Variants in RBMS3 observed in about 807,000 individuals in gnomAD.
RBMS3 encodes RNA binding motif single stranded interacting protein 3.
RBMS3 carries 27 observed loss-of-function variants against 66.8 expected under a neutral mutation model. The observed-to-expected ratio is 0.40, with a 90% CI of 0.30 to 0.56. The LOEUF (loss-of-function observed/expected upper bound fraction) is 0.56, where lower values mean the gene tolerates loss of function less well. RBMS3 is among the 20% of genes least tolerant of loss of function. The pLI is 0.40. For synonymous variants in RBMS3, 188 were observed against 183.0 expected, an observed-to-expected ratio of 1.03 and a Z score of -0.22; for missense variants, 513 against 549.5, an observed-to-expected ratio of 0.93 and a Z score of 0.66.
At chr3:29,655,207 G>C (rs1237366966) in intron 4 of RBMS3, among the ~76,000 whole-genome samples, 1 of 152,192 alleles carries the variant, frequency 6.6e-6, no homozygotes, top group Non-Finnish European at 1.5e-5. Flanking sequence ...AAGAACAATG[G>C]CTTGTGAATA....
chr3:29,890,945 G>T (rs1438249993), intron 8 of RBMS3, among the ~76,000 whole-genome samples: 1 of 151,488 alleles, frequency 6.6e-6, no homozygotes, highest in Non-Finnish European at 1.5e-5. Context: ...GTGTTCTGAT[G>T]AGGAATTGGG....
intron 4 of RBMS3, among the ~76,000 whole-genome samples, chr3:29,659,754 G>A (rs1273206832): frequency 6.6e-6 from 1 of 152,090 alleles, no homozygotes; most frequent in Admixed American, 6.6e-5. Context: ...CAGAGAGCTG[G>A]AATTACTGCA....
At chr3:29,719,337 GGCAA>G (rs113388529) in intron 4 of RBMS3, among the ~76,000 whole-genome samples, 15,164 of 152,044 alleles carry the variant, frequency 0.1, 867 homozygotes, top group Middle Eastern at 0.21. Context: ...TGAGACCTTG[GGCAA>G]GTCTTTTCTT....
At chr3:29,794,525 A>G (rs1367351989) in intron 6 of RBMS3, among the ~76,000 whole-genome samples, 2 of 152,172 alleles carry the variant, frequency 1.3e-5, no homozygotes, top group Non-Finnish European at 2.9e-5. Flanking sequence ...GGCTGAGCTT[A>G]CAGTGAGCTG....
intron 12 of RBMS3, among the ~76,000 whole-genome samples, chr3:29,959,171 C>T (rs533150401): frequency 1.3e-5 from 2 of 152,218 alleles, no homozygotes; most frequent in South Asian, 2.1e-4. Flanking sequence ...GCTGTCTTAC[C>T]ATCTGTAAAG....
chr3:29,786,580 CAT>C, intron 6 of RBMS3, among the ~76,000 whole-genome samples: 1 of 152,164 alleles, frequency 6.6e-6, no homozygotes, highest in Non-Finnish European at 1.5e-5. Flanking sequence ...GCAATGAAAA[CAT>C]AAAATGGGGA....
At chr3:29,625,780 C>A (rs1408388092) in intron 4 of RBMS3, among the ~76,000 whole-genome samples, 1 of 152,016 alleles carries the variant, frequency 6.6e-6, no homozygotes, top group Non-Finnish European at 1.5e-5. Context: ...GAGCCACCAT[C>A]CATCAGCTTT....
At chr3:29,739,214 G>A (rs977837027) in intron 4 of RBMS3, among the ~76,000 whole-genome samples, 10 of 152,136 alleles carry the variant, frequency 6.6e-5, no homozygotes, top group Non-Finnish European at 1.2e-4. Flanking sequence ...AGCACTTTGG[G>A]AGGCCGAGGT....
At chr3:29,395,555 C>G (rs1163719927) in intron 1 of RBMS3, among the ~76,000 whole-genome samples, 1 of 152,130 alleles carries the variant, frequency 6.6e-6, no homozygotes, top group African/African-American at 2.4e-5. Context: ...GTCATTAGAG[C>G]TACATTTAAG....
At chr3:29,313,310 T>G (rs1382764824) in intron 1 of RBMS3, among the ~76,000 whole-genome samples, 2 of 151,720 alleles carry the variant, frequency 1.3e-5, no homozygotes, top group Non-Finnish European at 2.9e-5. Context: ...TGCCCTCAGC[T>G]CTGATTGCTT....
rs562163072 is a variant in RBMS3 at position 29,556,128 on chromosome 3, A to T, written c.308-30986A>T. On this transcript the variant is annotated intron_variant, in intron 3 of 14. Transcript: ENST00000383767. ...TGGTCTATCAGCCACAATAAAGTTT[A>T]AAAAAAAAGCTTATATCCAGGTAAA... is the stretch of plus-strand genomic sequence containing the variant. 6.2e-3 allele frequency among the ~76,000 whole-genome samples: 205 copies of T among 33,106 alleles called. 1 individual carries two copies. Among genetic ancestry groups the T allele is most frequent in the African/African-American group, 0.037 (179 of 4,836 alleles). 21.7% of individuals were successfully genotyped at this position (33,106 alleles called of 152,430 possible).
intron 1 of RBMS3, among the ~76,000 whole-genome samples, chr3:29,408,914 CA>C (rs1431989097): frequency 6.6e-6 from 1 of 152,116 alleles, no homozygotes; most frequent in African/African-American, 2.4e-5. Context: ...TTTAAGGATG[CA>C]ATGTTGCATA....
At chr3:29,689,712 G>C (rs1213426086) in intron 4 of RBMS3, among the ~76,000 whole-genome samples, 1 of 151,814 alleles carries the variant, frequency 6.6e-6, no homozygotes, top group East Asian at 1.9e-4. Flanking sequence ...GTCTAAGAAA[G>C]AGACAAAAAT....
At chr3:29,640,566 G>A (rs972351377) in intron 4 of RBMS3, among the ~76,000 whole-genome samples, 5 of 151,898 alleles carry the variant, frequency 3.3e-5, no homozygotes, top group South Asian at 2.1e-4. Context: ...GGTTCTTGAA[G>A]GATGATGTGT....
At chr3:29,396,723 G>T (rs200113326) in intron 1 of RBMS3, among the ~76,000 whole-genome samples, 1 of 152,196 alleles carries the variant, frequency 6.6e-6, no homozygotes, top group Non-Finnish European at 1.5e-5. Flanking sequence ...ATATATTCTT[G>T]CATTTTCTTT....
At chr3:29,943,770 A>C (rs1407894135) in intron 11 of RBMS3, among the ~76,000 whole-genome samples, 1 of 151,762 alleles carries the variant, frequency 6.6e-6, no homozygotes, top group Non-Finnish European at 1.5e-5. Context: ...AGAATATGAG[A>C]ATGTACAAAT....
intron 3 of RBMS3, among the ~76,000 whole-genome samples, chr3:29,524,895 A>AT (rs2045032544): frequency 1.3e-5 from 2 of 151,896 alleles, no homozygotes; most frequent in Non-Finnish European, 2.9e-5. Context: ...TCTAAAAAAA[A>AT]TTTTTTTTAA....
At chr3:29,550,679 T>C (rs1192548794) in intron 3 of RBMS3, among the ~76,000 whole-genome samples, 1 of 152,184 alleles carries the variant, frequency 6.6e-6, no homozygotes, top group Non-Finnish European at 1.5e-5. Context: ...CATGCAATAT[T>C]TGGGACATGC....
chr3:29,845,980 T>A (rs144857657), intron 6 of RBMS3, among the ~76,000 whole-genome samples: 18 of 152,166 alleles, frequency 1.2e-4, no homozygotes, highest in African/African-American at 4.1e-4. Context: ...CTAGTTCAAA[T>A]GTAATTAAAG....
Sources: allele counts gnomAD v4.1 joint callset (sites outside exome capture counted in the v4.1 genomes callset), GRCh38; gene constraint gnomAD v4.1.1; transcripts MANE v1.5; gene names NCBI Gene and HGNC (gene_info 2026-07-23, HGNC 2026-07-21).